Variants in ATXN1 observed in about 807,000 individuals in gnomAD.
ATXN1 encodes ataxin 1, also known as ataxin-1.
Under a neutral mutation model 56.4 loss-of-function variants are expected in ATXN1, and 8 were observed. That is an observed-to-expected ratio of 0.14 (90% CI 0.08 to 0.26). ATXN1 has a LOEUF of 0.26. Ranked by LOEUF, ATXN1 falls within the 10% of genes least tolerant of loss-of-function variation. ATXN1 has a pLI of 1.00. For missense variants in ATXN1, 987 were observed against 1,106.5 expected (o/e 0.89, Z 1.53); for synonymous variants, 514 against 494.6 (o/e 1.04, Z -0.52).
intron 5 of ATXN1, among the ~76,000 whole-genome samples, chr6:16,493,446 G>GT (rs1174959883): frequency 0.058 from 6,734 of 115,284 alleles, 173 homozygotes; most frequent in Middle Eastern, 0.11. Flanking sequence ...TCAATCAGAA[G>GT]TTTTTTTTTT....
chr6:16,384,224 C>G (rs1455515505), intron 6 of ATXN1, among the ~76,000 whole-genome samples: 1 of 152,268 alleles, frequency 6.6e-6, no homozygotes, highest in East Asian at 1.9e-4. Context: ...TTAAAAAATA[C>G]TCAGGACATG....
intron 6 of ATXN1, among the ~76,000 whole-genome samples, chr6:16,330,450 C>T (rs559428648): frequency 3.7e-5 from 5 of 133,812 alleles, no homozygotes; most frequent in South Asian, 4.6e-4. Flanking sequence ...AGTGCAGTGG[C>T]GTGATCTCGG....
chr6:16,619,767 T>C lies in ATXN1; in HGVS notation c.-488-33860A>G, dbSNP rs1034042340. Among the ~76,000 whole-genome samples, 154 of 151,602 alleles carry C rather than the reference T, an allele frequency of 1.0e-3. 12 individuals are homozygous for C. The highest frequency in any genetic ancestry group is 4.4e-5 in the Non-Finnish European group (3 of 67,988). On this transcript the variant is annotated intron_variant, in intron 3 of 7. Coordinates refer to ENST00000436367, the MANE Select transcript of ATXN1 (RefSeq NM_001128164.2). ...GATTCAAATCATAGCTCTATAGCCA[T>C]GCGTGGCAACATGCACTATAGTCCC...
chr6:16,481,466 G>A (rs1182891496), intron 6 of ATXN1, among the ~76,000 whole-genome samples: 3 of 152,212 alleles, frequency 2.0e-5, no homozygotes, highest in Non-Finnish European at 4.4e-5. Flanking sequence ...TACACAGACA[G>A]CATAATGCTG....
At chr6:16,469,753 CA>C (rs962983618) in intron 6 of ATXN1, among the ~76,000 whole-genome samples, 3 of 152,110 alleles carry the variant, frequency 2.0e-5, no homozygotes, top group Non-Finnish European at 4.4e-5. Flanking sequence ...CACCTGAGGT[CA>C]GGAATTTGAG....
At chr6:16,353,349 G>C (rs1761611756) in intron 6 of ATXN1, among the ~76,000 whole-genome samples, 1 of 152,158 alleles carries the variant, frequency 6.6e-6, no homozygotes, top group Non-Finnish European at 1.5e-5. Flanking sequence ...GTTGGTTAGT[G>C]GCTTCAGAAA....
rs894897723 is a variant in ATXN1, at chr6:16,320,651, G to A, written c.1917+5743C>T. 1.2e-4 allele frequency among the ~76,000 whole-genome samples: 19 copies of A among 152,332 alleles called. 1 individual carries two copies. Among genetic ancestry groups the A allele is most frequent in the Admixed American group, 6.5e-4 (10 of 15,310 alleles). On this transcript the variant is annotated intron_variant, in intron 7 of 7. Coordinates refer to ENST00000436367, the MANE Select transcript of ATXN1 (RefSeq NM_001128164.2). ...CCATCCTGGGCAGGGCTGTCCCAGC[G>A]GGCACGTCACTAACAGCCTCTTGCA...
chr6:16,562,969 A>G (rs1447255378), intron 4 of ATXN1, among the ~76,000 whole-genome samples: 1 of 151,802 alleles, frequency 6.6e-6, no homozygotes, highest in African/African-American at 2.4e-5. Context: ...CAGAGAAGTC[A>G]GGGTAGAGAG....
chr6:16,454,007 G>A (rs1759810826), intron 6 of ATXN1, among the ~76,000 whole-genome samples: 1 of 151,852 alleles, frequency 6.6e-6, no homozygotes, highest in Non-Finnish European at 1.5e-5. Flanking sequence ...AGCCAGGCAT[G>A]GTGGCACGTG....
intron 2 of ATXN1, among the ~76,000 whole-genome samples, chr6:16,734,157 G>A (rs1215915244): frequency 1.3e-5 from 2 of 152,156 alleles, no homozygotes; most frequent in Non-Finnish European, 2.9e-5. Context: ...ACAAGCTTGT[G>A]AGAGATCTGT....
At chr6:16,732,572 C>T (rs1760015129) in intron 2 of ATXN1, among the ~76,000 whole-genome samples, 1 of 151,864 alleles carries the variant, frequency 6.6e-6, no homozygotes. Flanking sequence ...CTCCATCTCA[C>T]ACACACACAA....
intron 5 of ATXN1, among the ~76,000 whole-genome samples, chr6:16,512,254 T>C (rs1190349262): frequency 6.6e-6 from 1 of 152,254 alleles, no homozygotes; most frequent in Non-Finnish European, 1.5e-5. Flanking sequence ...ACCATTTGTT[T>C]GAGTATCCGT....
At position 16,561,227 on chromosome 6, in the gene ATXN1, G is replaced by A. The variant is rs1401058159; in HGVS notation, c.-361+24553C>T. Among the ~76,000 whole-genome samples the A allele has an allele frequency of 3.3e-5, 5 of 152,044 alleles. No homozygotes were observed. In the South Asian group the frequency reaches 6.2e-4, roughly 19 times the overall value. Reference sequence around the variant, plus strand: ...AGTTCATTCTGGGCTGTATAGTGATGCCATAACACTCATTGCTATTTTCCA... The same window carrying A: ...AGTTCATTCTGGGCTGTATAGTGATACCATAACACTCATTGCTATTTTCCA... On this transcript the variant is annotated intron_variant, in intron 4 of 7. Transcript: ENST00000436367.
chr6:16,673,555 T>C (rs1403232038), intron 2 of ATXN1, among the ~76,000 whole-genome samples: 2 of 152,206 alleles, frequency 1.3e-5, no homozygotes, highest in African/African-American at 2.4e-5. Context: ...TCCAGCACTA[T>C]TAACATTTTG....
chr6:16,444,549 A>C (rs966805670), intron 6 of ATXN1, among the ~76,000 whole-genome samples: 3 of 152,192 alleles, frequency 2.0e-5, no homozygotes, highest in African/African-American at 7.2e-5. Context: ...ATGCTTTCAA[A>C]ACACAGTGAC....
chr6:16,481,561 TG>T (rs1457513185), intron 6 of ATXN1, among the ~76,000 whole-genome samples: 1 of 152,194 alleles, frequency 6.6e-6, no homozygotes, highest in Non-Finnish European at 1.5e-5. Flanking sequence ...GCAGTTATTC[TG>T]AAAAGGGAGT....
In ATXN1 at chr6:16,517,292, T is replaced by A. The variant is rs552544143; in HGVS notation, c.-299+5335A>T. ...TCACACAAATACAGTAGTCAGTTTC[T>A]GAGAGGTAGCAGAGAAAAAAAGCTA... On this transcript the variant is annotated intron_variant, in intron 5 of 7. Coordinates refer to ENST00000436367, the MANE Select transcript of ATXN1 (RefSeq NM_001128164.2). Among the ~76,000 whole-genome samples the A allele has an allele frequency of 2.6e-5, 4 of 152,336 alleles. No homozygotes were observed. The East Asian group carries it at 7.7e-4, about 29-fold the overall frequency.
chr6:16,622,490 C>T (rs998635530), intron 3 of ATXN1, among the ~76,000 whole-genome samples: 1 of 152,068 alleles, frequency 6.6e-6, no homozygotes, highest in Non-Finnish European at 1.5e-5. Flanking sequence ...AAATTAGTAT[C>T]GAACACAGGA....
At chr6:16,554,913 C>G (rs1205393067) in intron 4 of ATXN1, among the ~76,000 whole-genome samples, 1 of 152,172 alleles carries the variant, frequency 6.6e-6, no homozygotes, top group Non-Finnish European at 1.5e-5. Flanking sequence ...TTTAACGACT[C>G]TCCATCATCG....
Sources: gnomAD v4.1 joint callset for allele counts (sites outside exome capture counted in the v4.1 genomes callset) on GRCh38, gnomAD v4.1.1 for gene constraint, MANE v1.5 for transcripts, NCBI Gene and HGNC (gene_info 2026-07-23, HGNC 2026-07-21) for gene names.